The following GPC5 variants were observed in gnomAD, a reference collection of about 807,000 sequenced individuals.
GPC5 encodes the protein glypican-5.
In GPC5, 47 loss-of-function variants were observed where a neutral mutation model predicts 53.9. The ratio of observed to expected loss-of-function variants is 0.87; its 90% CI spans 0.69 to 1.11. The LOEUF (loss-of-function observed/expected upper bound fraction) is 1.11. Ranked by LOEUF, GPC5 falls within the 50% of genes most tolerant of loss-of-function variation. The pLI is 0.00. For synonymous variants in GPC5, 286 were observed against 263.3 expected, an observed-to-expected ratio of 1.09 and a Z score of -0.84; for missense variants, 748 against 713.1, an observed-to-expected ratio of 1.05 and a Z score of -0.56.
intron 7 of GPC5, among the ~76,000 whole-genome samples, chr13:92,787,361 A>G (rs1158792710): frequency 6.6e-6 from 1 of 152,136 alleles, no homozygotes; most frequent in East Asian, 1.9e-4. Context: ...TCAGACAGAC[A>G]TGAGTCAAGA....
chr13:91,853,607 G>A (rs1813614999), intron 5 of GPC5, among the ~76,000 whole-genome samples: 1 of 151,890 alleles, frequency 6.6e-6, no homozygotes, highest in Admixed American at 6.6e-5. Flanking sequence ...TCAGATTATT[G>A]TCTGTATTAT....
intron 5 of GPC5, among the ~76,000 whole-genome samples, chr13:91,821,370 C>A (rs955650444): frequency 6.6e-6 from 1 of 152,168 alleles, no homozygotes; most frequent in Non-Finnish European, 1.5e-5. Flanking sequence ...GTTTACTTTA[C>A]ATTCCTTGGC....
At chr13:92,768,210 A>G (rs569567157) in intron 7 of GPC5, among the ~76,000 whole-genome samples, 4 of 152,226 alleles carry the variant, frequency 2.6e-5, no homozygotes, top group Non-Finnish European at 5.9e-5. Flanking sequence ...CAGCTAAAAT[A>G]CAAACTTACA....
At chr13:92,617,858 T>C (rs1268403505) in intron 7 of GPC5, among the ~76,000 whole-genome samples, 2 of 152,192 alleles carry the variant, frequency 1.3e-5, no homozygotes, top group African/African-American at 4.8e-5. Context: ...TATTATACTT[T>C]AAGTTTCAAG....
At chr13:91,815,762 C>T (rs897207225) in intron 5 of GPC5, among the ~76,000 whole-genome samples, 4 of 152,140 alleles carry the variant, frequency 2.6e-5, no homozygotes, top group African/African-American at 7.2e-5. Flanking sequence ...ATTTCTGTTT[C>T]GTTTCCACAT....
chr13:92,828,888 C>T (rs1282080275), intron 7 of GPC5, among the ~76,000 whole-genome samples: 1 of 152,106 alleles, frequency 6.6e-6, no homozygotes. Context: ...CTGTTGGATA[C>T]AATGCACACT....
At position 91,882,030 on chromosome 13, in the gene GPC5, C is replaced by T. The variant is rs138876592; in HGVS notation, c.1281-25907C>T. 9.9e-5 allele frequency among the ~76,000 whole-genome samples: 15 copies of T among 152,220 alleles called. No individual in the cohort carries two copies. The East Asian group carries it at 2.9e-3, about 29-fold the overall frequency. On this transcript the variant is annotated intron_variant, in intron 5 of 7. Transcript: ENST00000377067. ...CTTTGAAGATGGTTTGCGTCTTCTT[C>T]TGAGTTCAGTTTGAGATTATCTTTC...
At chr13:92,292,803 T>C (rs2043007147) in intron 7 of GPC5, among the ~76,000 whole-genome samples, 1 of 152,218 alleles carries the variant, frequency 6.6e-6, no homozygotes, top group African/African-American at 2.4e-5. Flanking sequence ...TTTCAGGTCT[T>C]ATATTTAAGT....
At chr13:91,792,613 C>T (rs1369752113) in intron 5 of GPC5, among the ~76,000 whole-genome samples, 2 of 152,176 alleles carry the variant, frequency 1.3e-5, no homozygotes, top group Non-Finnish European at 2.9e-5. Flanking sequence ...GATCACATCT[C>T]AGCCTAGCAG....
chr13:92,239,612 G>A (rs373142116), intron 7 of GPC5, among the ~76,000 whole-genome samples: 1 of 151,938 alleles, frequency 6.6e-6, no homozygotes, highest in East Asian at 1.9e-4. Context: ...TTAAATCATT[G>A]TTTAAAAAGA....
rs532232119 is a variant in GPC5 at position 92,814,468 on chromosome 13, C to G, written c.1562-51814C>G. 8.0e-3 allele frequency among the ~76,000 whole-genome samples: 1,219 copies of G among 151,878 alleles called. 11 individuals carry two copies. Among genetic ancestry groups the G allele is most frequent in the Non-Finnish European group, 0.012 (802 of 67,988 alleles). ...TTGAGGTCAGGAGTTCGAGACCAGC[C>G]TGGCCAACATGGTGAAACCCCGTCT... On this transcript the variant is annotated intron_variant, in intron 7 of 7. Coordinates refer to ENST00000377067, the MANE Select transcript of GPC5 (RefSeq NM_004466.6).
chr13:92,339,718 G>C (rs1158005630), intron 7 of GPC5: 1 of 152,036 alleles, frequency 6.6e-6, no homozygotes, highest in Admixed American at 6.6e-5. Context: ...TGCTATTTTA[G>C]AATTAATTTC....
chr13:91,799,547 G>A (rs1390745888), intron 5 of GPC5, among the ~76,000 whole-genome samples: 1 of 138,612 alleles, frequency 7.2e-6, no homozygotes, highest in Non-Finnish European at 1.5e-5. Flanking sequence ...CAATGCATAT[G>A]ATTTCTTTGT....
chr13:91,552,096 G>A (rs370650591), intron 2 of GPC5, among the ~76,000 whole-genome samples: 1 of 151,846 alleles, frequency 6.6e-6, no homozygotes, highest in East Asian at 1.9e-4. Flanking sequence ...TATAATCATT[G>A]TGAACATTAT....
chr13:92,031,702 T>A lies in GPC5; in HGVS notation c.1402-113128T>A, dbSNP rs7991878. Among the ~76,000 whole-genome samples the A allele has an allele frequency of 9.5e-4, 51 of 53,876 alleles. 2 individuals are homozygous for A. The highest frequency in any genetic ancestry group is 1.2e-3 in the Admixed American group (4 of 3,204). The allele number at this position is 53,876 out of a possible 152,430, so 35.3% of individuals were successfully genotyped here. On this transcript the variant is annotated intron_variant, in intron 6 of 7. Transcript: ENST00000377067. Reference sequence around the variant, plus strand: ...ATATATATATAGTATATATAATATATTATATATATTACATATATGTAATAT... The same window carrying A: ...ATATATATATAGTATATATAATATAATATATATATTACATATATGTAATAT...
At chr13:91,991,566 T>G (rs182804908) in intron 6 of GPC5, among the ~76,000 whole-genome samples, 1 of 151,904 alleles carries the variant, frequency 6.6e-6, no homozygotes, top group East Asian at 1.9e-4. Flanking sequence ...AATTTTTTTT[T>G]TCTCTCTCTC....
chr13:92,508,273 G>T (rs538555869), intron 7 of GPC5, among the ~76,000 whole-genome samples: 24 of 152,096 alleles, frequency 1.6e-4, no homozygotes, highest in African/African-American at 5.1e-4. Flanking sequence ...ACTTATAAGA[G>T]TTAACTCAAT....
chr13:92,246,194 T>G (rs1243007234), intron 7 of GPC5, among the ~76,000 whole-genome samples: 1 of 152,112 alleles, frequency 6.6e-6, no homozygotes, highest in African/African-American at 2.4e-5. Flanking sequence ...AAAGTCAAAT[T>G]TAAACGGCAT....
At chr13:92,134,735 A>C (rs1442110183) in intron 6 of GPC5, among the ~76,000 whole-genome samples, 2 of 152,096 alleles carry the variant, frequency 1.3e-5, no homozygotes, top group Non-Finnish European at 2.9e-5. Context: ...AGTTGAATAA[A>C]ATATCTTTCT....
Sources: gnomAD v4.1 joint callset for allele counts (sites outside exome capture counted in the v4.1 genomes callset) on GRCh38, gnomAD v4.1.1 for gene constraint, MANE v1.5 for transcripts, NCBI Gene and HGNC (gene_info 2026-07-23, HGNC 2026-07-21) for gene names.